Variants in MAP3K11 observed in about 807,000 individuals in gnomAD.
MAP3K11 encodes mitogen-activated protein kinase kinase kinase 11.
A neutral mutation model predicts 84.9 loss-of-function variants in MAP3K11; 46 were observed. The ratio of observed to expected loss-of-function variants is 0.54; its 90% confidence interval spans 0.43 to 0.69. MAP3K11 has a LOEUF of 0.69. Ranked by LOEUF, MAP3K11 falls within the 30% of genes least tolerant of loss-of-function variation. The pLI, the probability that MAP3K11 is intolerant of heterozygous loss-of-function variation, is 0.00. For missense variants in MAP3K11, 1,053 were observed against 1,198.3 expected (o/e 0.88, Z 1.79); for synonymous variants, 527 against 514.7 (o/e 1.02, Z -0.32).
At chr11:65,601,421 G>A (rs566568798) in intron 8 of MAP3K11, among the ~76,000 whole-genome samples, 1 of 152,280 alleles carries the variant, frequency 6.6e-6, no homozygotes, top group Admixed American at 6.5e-5. Flanking sequence ...CATCATATGA[G>A]GTCAGGGCAG....
Position 65,608,289 on chromosome 11 carries a change from G to A in MAP3K11, c.899C>T (p.Ser300Phe), listed in dbSNP as rs763030681. The A allele has an allele frequency of 4.3e-6, 7 of 1,614,152 alleles. No homozygotes were observed. Among genetic ancestry groups the A allele is most frequent in the Non-Finnish European group, 5.9e-6 (7 of 1,179,964 alleles). The change falls in exon 2 of 10, where the codon TCT becomes TTT. Residue 300 changes from serine to phenylalanine, a missense_variant. By Grantham distance (155) the Ser-to-Phe change is radical. This residue lies in a region of MAP3K11 where 310 missense variants were observed against 464.5 expected (regional missense o/e 0.67). Coordinates refer to ENST00000309100, the MANE Select transcript of MAP3K11 (RefSeq NM_002419.4). ...GCACCTCCAGACGTCACTGCCCTTA[G>A]AGAAGGTGGAGGCCTTGATAACCTC... is the stretch of plus-strand genomic sequence containing the variant. ...APEVIKASTFSKGSDVWSFGV... is the reference protein window; with the variant it reads ...APEVIKASTFFKGSDVWSFGV...
intron 8 of MAP3K11, 32 bp downstream of exon 8, chr11:65,605,729 C>T (rs1338785775): frequency 6.4e-7 from 1 of 1,551,032 alleles, no homozygotes; most frequent in Non-Finnish European, 8.8e-7. Context: ...AGGAGCTCAG[C>T]CAGATCCTGC....
At chr11:65,602,803 T>TA (rs554655454) in intron 8 of MAP3K11, among the ~76,000 whole-genome samples, 21,275 of 141,666 alleles carry the variant, frequency 0.15, 2,434 homozygotes, top group African/African-American at 0.31. Context: ...AGACTCCTTC[T>TA]AAAAAAAAAA....
In MAP3K11 at chr11:65,599,518, C is replaced by G; in HGVS notation, c.2082G>C (p.Pro694=). The part of the protein sequence containing the change: ...APCPTEPPPS[P]LICFSLKTPD... Reference sequence around the variant, plus strand: ...GCGTCTTGAGCGAGAAGCAGATGAGCGGGGAAGGGGGCGGCTCGGTCGGGC... The same window carrying G: ...GCGTCTTGAGCGAGAAGCAGATGAGGGGGGAAGGGGGCGGCTCGGTCGGGC... Residue 694 remains proline (P), a synonymous_variant, in exon 9 of 10, where the codon CCG becomes CCC. Coordinates refer to ENST00000309100, the MANE Select transcript of MAP3K11 (RefSeq NM_002419.4). The G allele has an allele frequency of 1.3e-6, 2 of 1,488,036 alleles. No individual in the cohort carries two copies. Among genetic ancestry groups the G allele is most frequent in the South Asian group, 1.3e-5 (1 of 75,036 alleles). 92.2% of individuals were successfully genotyped at this position (1,488,036 alleles called of 1,614,324 possible).
intron 6 of MAP3K11, 187 bp from the exon 7 acceptor site, chr11:65,606,268 G>T: frequency 1.7e-6 from 1 of 574,564 alleles, no homozygotes; most frequent in Non-Finnish European, 2.9e-6. Context: ...ATCTCATCTA[G>T]CCCTTGGGCT....
At chr11:65,608,578 T>A in intron 1 of MAP3K11, 130 bp from the exon 2 acceptor site, 1 of 701,422 alleles carries the variant, frequency 1.4e-6, no homozygotes, top group Non-Finnish European at 2.4e-6. Context: ...TTGGTCTAGA[T>A]CTTGAGGACC....
intron 9 of MAP3K11, among the ~76,000 whole-genome samples, 188 bp downstream of exon 9, chr11:65,599,206 C>T (rs960399163): frequency 6.6e-6 from 1 of 152,170 alleles, no homozygotes; most frequent in Non-Finnish European, 1.5e-5. Context: ...CCTGCCTGGA[C>T]CACCTGATAG....
intron 8 of MAP3K11, 112 bp downstream of exon 8, chr11:65,605,649 T>A: frequency 1.4e-6 from 1 of 733,916 alleles, no homozygotes; most frequent in Non-Finnish European, 2.2e-6. Context: ...GTCTCTAGAA[T>A]GAGAGCAACC....
chr11:65,599,730 TGGGCTCCTC>T lies in MAP3K11; in HGVS notation c.1861_1869del (p.Glu621_Pro623del), dbSNP rs768752926. On this transcript the variant is annotated inframe_deletion, in exon 9 of 10. Transcript: ENST00000309100. ...CCGCGCTCTGCGGGGACAGGCCTCTTGGGCTCCTCGGGCTCCAGGCTAGGCCGCGGGGGG... is the reference window on the plus strand; with the variant it reads ...CCGCGCTCTGCGGGGACAGGCCTCTTGGGCTCCAGGCTAGGCCGCGGGGGG... The T allele has an allele frequency of 2.5e-6, 4 of 1,590,130 alleles. No individual in the cohort carries two copies. The highest frequency in any genetic ancestry group is 2.2e-5 in the East Asian group (1 of 44,476).
In MAP3K11 at chr11:65,613,348, G is replaced by T; in HGVS notation, c.409C>A (p.Arg137=). The change falls in exon 1 of 10, where the codon CGA becomes AGA. Residue 137 remains arginine, a synonymous_variant. Transcript: ENST00000309100. ...GFGKVYRGSW[R]GELVAVKAAR... ...GCCTTCACAGCCACCAGCTCACCTC[G>T]CCAGCTGCCCCTGTACACCTTGCCA... is the stretch of plus-strand genomic sequence containing the variant. 6.2e-7 allele frequency: 1 copy of T among 1,612,960 alleles called. No homozygotes were observed. The highest frequency in any genetic ancestry group is 8.5e-7 in the Non-Finnish European group (1 of 1,179,892).
chr11:65,606,571 G>C, intron 6 of MAP3K11, 120 bp downstream of exon 6: 1 of 690,846 alleles, frequency 1.4e-6, no homozygotes, highest in Non-Finnish European at 2.4e-6. Context: ...ACCTAAGGCA[G>C]GGAGCCTGGG....
Position 65,605,946 on chromosome 11 carries a change from C to A in MAP3K11, c.1739G>T (p.Arg580Met). The change falls in exon 7 of 10, where the codon AGG becomes ATG. Residue 580 changes from arginine (R) to methionine (M), a missense_variant and splice_region_variant. Transcript: ENST00000309100. ...GTCTGGGGGGCACTCAGGTACTCACCTCCCATTCTGGGCTTCCCCAGGCTT... is the reference window on the plus strand; with the variant it reads ...GTCTGGGGGGCACTCAGGTACTCACATCCCATTCTGGGCTTCCCCAGGCTT... ...SPKPGEAQNG[R>M]RRSRMDEATW... 6.2e-7 allele frequency: 1 copy of A among 1,603,514 alleles called. No individual in the cohort carries two copies. Among genetic ancestry groups the A allele is most frequent in the African/African-American group, 1.3e-5 (1 of 74,370 alleles).
In MAP3K11 at chr11:65,606,105, G is replaced by A. The variant is rs576676136; in HGVS notation, c.1604-24C>T. On this transcript the variant is annotated intron_variant, in intron 6 of 9. Coordinates refer to ENST00000309100, the MANE Select transcript of MAP3K11 (RefSeq NM_002419.4). Reference sequence around the variant, plus strand: ...CACTGCAGGGGAAACCGATGAAATCGGAGATAATCTTTATTCTCCCTCCAT... The same window carrying A: ...CACTGCAGGGGAAACCGATGAAATCAGAGATAATCTTTATTCTCCCTCCAT... 7.3e-5 allele frequency: 113 copies of A among 1,554,170 alleles called. 1 individual carries two copies. Among genetic ancestry groups the A allele is most frequent in the South Asian group, 4.6e-4 (38 of 83,084 alleles).
At chr11:65,607,222 C>G (rs1425543500) in intron 5 of MAP3K11, 48 bp downstream of exon 5, 3 of 1,441,086 alleles carry the variant, frequency 2.1e-6, no homozygotes, top group Non-Finnish European at 2.7e-6. Context: ...GGCTCCACCC[C>G]CACCCCCGCA....
intron 5 of MAP3K11, 142 bp from the exon 6 acceptor site, chr11:65,606,946 T>C (rs1336120625): frequency 6.6e-6 from 4 of 609,696 alleles, no homozygotes; most frequent in Non-Finnish European, 1.1e-5. Flanking sequence ...GCCTCACTGC[T>C]TTCTTGAGCC....
At chr11:65,600,141 C>T (rs1017161145) in intron 8 of MAP3K11, among the ~76,000 whole-genome samples, 3 of 152,320 alleles carry the variant, frequency 2.0e-5, no homozygotes, top group South Asian at 2.1e-4. Flanking sequence ...TGACTGGGAC[C>T]GGCGCCCTGT....
Position 65,599,824 on chromosome 11 carries a change from GC to G in MAP3K11, c.1832-57del. On this transcript the variant is annotated intron_variant, in intron 8 of 9. Transcript: ENST00000309100. ...TGGCTGGTGCATATTCCGGGTGAGGGCCCAAGACCTCTCCGTGGTCTTGGAA... is the reference window on the plus strand; with the variant it reads ...TGGCTGGTGCATATTCCGGGTGAGGGCCAAGACCTCTCCGTGGTCTTGGAA... 12 of 1,555,228 alleles carry G rather than the reference GC, an allele frequency of 7.7e-6. No homozygotes were observed. The South Asian group carries it at 1.3e-4, about 16-fold the overall frequency.
In MAP3K11 at chr11:65,599,682, G is replaced by A. The variant is rs1379447661; in HGVS notation, c.1918C>T (p.Leu640=). 2 of 1,562,814 alleles carry A rather than the reference G, an allele frequency of 1.3e-6. No individual in the cohort carries two copies. The highest frequency in any genetic ancestry group is 8.6e-7 in the Non-Finnish European group (1 of 1,160,604). Residue 640 remains leucine (L), a synonymous_variant, in exon 9 of 10, where the codon CTG becomes TTG. Transcript: ENST00000309100. ...ERGSSSGTPK[L]IQRALLRGTA... ...CCGCGCAGCAGCGCCCGCTGGATCA[G>A]CTTGGGCGTCCCAGAGCTGCTACCG... is the stretch of plus-strand genomic sequence containing the variant.
In MAP3K11 at chr11:65,613,600, C is replaced by T. The variant is rs371729065; in HGVS notation, c.157G>A (p.Glu53Lys). Residue 53 changes from glutamate (E) to lysine (K), a missense_variant, in exon 1 of 10, where the codon GAG becomes AAG. Transcript: ENST00000309100. ...GCCAGCTCATCCTGCCCACTGGGCT[C>T]GTAGTCGAACAGGGCTGTCCACACC... ...NPVWTALFDY[E>K]PSGQDELALR... The T allele has an allele frequency of 1.4e-4, 224 of 1,613,022 alleles. No homozygotes were observed. Among genetic ancestry groups the T allele is most frequent in the Middle Eastern group, 1.6e-4 (1 of 6,082 alleles).
Sources: allele counts gnomAD v4.1 joint callset (sites outside exome capture counted in the v4.1 genomes callset), GRCh38; gene constraint gnomAD v4.1.1; regional missense constraint gnomAD v4.1.1; transcripts MANE v1.5; gene names NCBI Gene and HGNC (gene_info 2026-07-23, HGNC 2026-07-21).